Variants in MAP7 observed in about 807,000 individuals in gnomAD.
The protein encoded by MAP7 is ensconsin.
MAP7 carries 52 observed loss-of-function variants against 94.8 expected under a neutral mutation model. The observed-to-expected ratio is 0.55, with a 90% CI of 0.44 to 0.69. The LOEUF is 0.69. MAP7 is among the 30% of genes least tolerant of loss of function. The pLI, the probability that MAP7 is intolerant of heterozygous loss-of-function variation, is 0.00. For missense variants in MAP7, 940 were observed against 964.6 expected, an observed-to-expected ratio of 0.97 and a Z score of 0.34; for synonymous variants, 350 against 357.0, an observed-to-expected ratio of 0.98 and a Z score of 0.22.
chr6:136,409,676 C>G (rs1024849826), intron 3 of MAP7, among the ~76,000 whole-genome samples: 1 of 152,200 alleles, frequency 6.6e-6, no homozygotes, highest in African/African-American at 2.4e-5. Context: ...GGTTTAGGCA[C>G]CTCTACAGGC....
At chr6:136,466,056 A>T (rs1562433435) in intron 1 of MAP7, among the ~76,000 whole-genome samples, 1 of 152,234 alleles carries the variant, frequency 6.6e-6, no homozygotes, top group African/African-American at 2.4e-5. Flanking sequence ...TAGTCTATAA[A>T]GTTCCAATGC....
Position 136,372,560 on chromosome 6 carries a change from T to G in MAP7, c.817A>C (p.Lys273Gln). Residue 273 changes from lysine (K) to glutamine (Q), a missense_variant, in exon 8 of 18, where the codon AAA (lysine) becomes CAA (glutamine). Lys to Gln is a moderately conservative substitution (Grantham distance 53). Coordinates refer to ENST00000354570, the MANE Select transcript of MAP7 (RefSeq NM_003980.6). ...AHSRNSMDRP[K>Q]LFVTPPEGSS... is the part of the protein sequence containing the mutation. ...CCCTCAGGTGGTGTTACAAAGAGTT[T>G]TGGTCGATCCATCGAATTTCTAGAG... 6.2e-7 allele frequency: 1 copy of G among 1,614,188 alleles called. No homozygotes were observed. The highest frequency in any genetic ancestry group is 8.5e-7 in the Non-Finnish European group (1 of 1,180,042).
chr6:136,489,522 G>GCTTCTTTT (rs1562456485), intron 1 of MAP7, among the ~76,000 whole-genome samples: 1 of 124,322 alleles, frequency 8.0e-6, no homozygotes, highest in Non-Finnish European at 1.6e-5. Context: ...GTAACATCAG[G>GCTTCTTTT]TTTCTTTTTT....
intron 1 of MAP7, among the ~76,000 whole-genome samples, chr6:136,487,785 C>T (rs1395900949): frequency 6.6e-6 from 1 of 152,028 alleles, no homozygotes; most frequent in African/African-American, 2.4e-5. Context: ...AGGCAGTTAA[C>T]AACTGAGAGA....
At chr6:136,530,698 G>T (rs1166922461) in intron 1 of MAP7, among the ~76,000 whole-genome samples, 1 of 145,074 alleles carries the variant, frequency 6.9e-6, no homozygotes, top group Non-Finnish European at 1.5e-5. Flanking sequence ...ATCATGCATA[G>T]CATAGAAGAG....
chr6:136,483,261 A>G (rs1166670560), intron 1 of MAP7, among the ~76,000 whole-genome samples: 1 of 152,162 alleles, frequency 6.6e-6, no homozygotes, highest in Non-Finnish European at 1.5e-5. Context: ...TCCTAAGTGA[A>G]CTAATGCAGG....
intron 1 of MAP7, among the ~76,000 whole-genome samples, chr6:136,485,139 T>A (rs1221986008): frequency 6.6e-6 from 1 of 152,242 alleles, no homozygotes; most frequent in Non-Finnish European, 1.5e-5. Flanking sequence ...AAAAATGGTA[T>A]GAATTGTGTC....
At chr6:136,528,363 T>C (rs965505372) in intron 1 of MAP7, among the ~76,000 whole-genome samples, 1 of 152,232 alleles carries the variant, frequency 6.6e-6, no homozygotes, top group Non-Finnish European at 1.5e-5. Flanking sequence ...GAATGAGACA[T>C]GATTTGTTAT....
intron 16 of MAP7, among the ~76,000 whole-genome samples, chr6:136,353,481 C>A (rs1486909262): frequency 6.6e-6 from 1 of 152,204 alleles, no homozygotes; most frequent in African/African-American, 2.4e-5. Context: ...TCAATCAGTA[C>A]CATATGTATA....
chr6:136,417,332 G>T (rs1789822698), intron 2 of MAP7, among the ~76,000 whole-genome samples: 1 of 152,198 alleles, frequency 6.6e-6, no homozygotes, highest in Non-Finnish European at 1.5e-5. Context: ...TGTTAAGGGT[G>T]AAAGGGAGTG....
chr6:136,484,577 T>A (rs372560709), intron 1 of MAP7, among the ~76,000 whole-genome samples: 6 of 152,350 alleles, frequency 3.9e-5, no homozygotes, highest in Admixed American at 2.0e-4. Context: ...TGGGAAGTCA[T>A]TTTCTTAATC....
chr6:136,485,880 CTT>C (rs1814576663), intron 1 of MAP7, among the ~76,000 whole-genome samples: 1 of 152,122 alleles, frequency 6.6e-6, no homozygotes, highest in African/African-American at 2.4e-5. Flanking sequence ...TTTTTTAATG[CTT>C]TAAATAGAAC....
rs183720411 is a variant in MAP7 at position 136,518,904 on chromosome 6, A to G, written c.67+31438T>C. ...GGAGTCAGCTCTTTTAGCTCCATCAATTATAGCTCTGGAAACAGGCACACA... is the reference window on the plus strand; with the variant it reads ...GGAGTCAGCTCTTTTAGCTCCATCAGTTATAGCTCTGGAAACAGGCACACA... On this transcript the variant is annotated intron_variant, in intron 1 of 17. Coordinates refer to ENST00000354570, the MANE Select transcript of MAP7 (RefSeq NM_003980.6). Among the ~76,000 whole-genome samples, 67 of 152,320 alleles carry G rather than the reference A, an allele frequency of 4.4e-4. 1 individual carries two copies. Among genetic ancestry groups the G allele is most frequent in the East Asian group, 1.2e-3 (6 of 5,188 alleles).
At chr6:136,491,461 G>A (rs1029698102) in intron 1 of MAP7, among the ~76,000 whole-genome samples, 1 of 152,118 alleles carries the variant, frequency 6.6e-6, no homozygotes, top group African/African-American at 2.4e-5. Flanking sequence ...CCCAAACCCA[G>A]TCTGTTCAAT....
In MAP7 at chr6:136,360,777, G is replaced by A. The variant is rs1582666155; in HGVS notation, c.1723C>T (p.Arg575Cys). ...QRQKEEEARV[R>C]EEAERVRQER... ...TGCCGGACCCTCTCTGCTTCTTCAC[G>A]AACGCGAGCTTCTTCTTCTTTCTGA... The change falls in exon 13 of 18, where the codon CGT becomes TGT. Residue 575 changes from arginine to cysteine, a missense_variant. Arg to Cys is a radical substitution (Grantham distance 180, BLOSUM62 -3). Coordinates refer to ENST00000354570, the MANE Select transcript of MAP7 (RefSeq NM_003980.6). 1 of 1,613,766 alleles carries A rather than the reference G, an allele frequency of 6.2e-7. No individual in the cohort carries two copies. The highest frequency in any genetic ancestry group is 2.2e-5 in the East Asian group (1 of 44,878).
chr6:136,443,000 T>G (rs1798309327), intron 1 of MAP7, among the ~76,000 whole-genome samples: 1 of 152,206 alleles, frequency 6.6e-6, no homozygotes, highest in South Asian at 2.1e-4. Context: ...ATAAGTATAT[T>G]TAAATATGGT....
rs551033988 is a variant in MAP7 at position 136,495,451 on chromosome 6, A to G, written c.67+54891T>C. On this transcript the variant is annotated intron_variant, in intron 1 of 17. Transcript: ENST00000354570. ...TTTCATGACAAGTGAGAAGTGTGAG[A>G]ATACACACACACACACACACACACA... is the stretch of plus-strand genomic sequence containing the variant. 2.9e-5 allele frequency among the ~76,000 whole-genome samples: 4 copies of G among 139,708 alleles called. 1 individual carries two copies. In the South Asian group the frequency reaches 9.0e-4, roughly 31 times the overall value. 91.7% of individuals were successfully genotyped at this position (139,708 alleles called of 152,430 possible).
chr6:136,403,080 G>C (rs75408723), intron 3 of MAP7, among the ~76,000 whole-genome samples: 326 of 152,208 alleles, frequency 2.1e-3, no homozygotes, highest in African/African-American at 7.3e-3. Context: ...TTAACCCTAA[G>C]TACTTTCACT....
intron 1 of MAP7, among the ~76,000 whole-genome samples, chr6:136,434,306 C>CAAA (rs59002856): frequency 1.7e-5 from 1 of 59,680 alleles, no homozygotes; most frequent in East Asian, 4.3e-4. Context: ...GACTCCGTCT[C>CAAA]AAAAAAAAAA....
Sources: allele counts gnomAD v4.1 joint callset (sites outside exome capture counted in the v4.1 genomes callset), GRCh38; gene constraint gnomAD v4.1.1; transcripts MANE v1.5; gene names NCBI Gene and HGNC (gene_info 2026-07-23, HGNC 2026-07-21).